Variants in MTHFSD observed in about 807,000 individuals in gnomAD.
The protein encoded by MTHFSD is methenyltetrahydrofolate synthase domain-containing protein.
MTHFSD carries 37 observed loss-of-function variants against 31.1 expected under a neutral mutation model. The observed-to-expected ratio is 1.19, with a 90% CI of 0.91 to 1.56. MTHFSD has a LOEUF of 1.56. MTHFSD is among the 40% of genes most tolerant of loss of function. The pLI, the probability that MTHFSD is intolerant of heterozygous loss-of-function variation, is 0.00. For synonymous variants in MTHFSD, 221 were observed against 206.9 expected (o/e 1.07, Z -0.59); for missense variants, 664 against 510.1 (o/e 1.30, Z -2.91).
intron 2 of MTHFSD, among the ~76,000 whole-genome samples, chr16:86,552,607 C>G (rs1241545005): frequency 6.6e-6 from 1 of 152,232 alleles, no homozygotes. Context: ...GAAGCCCCCA[C>G]CTCTCTCCTG....
rs1273646238 is a variant in MTHFSD at position 86,535,002 on chromosome 16, G to A, written c.682-2521C>T. On this transcript the variant is annotated intron_variant, in intron 7 of 7. Coordinates refer to ENST00000360900, the MANE Select transcript of MTHFSD (RefSeq NM_001159377.2). ...ATGGCAGAAGCGAGCATTCTCAGGC[G>A]AGGCTTCACACTTGGGGTTCTGCGG... Among the ~76,000 whole-genome samples the A allele has an allele frequency of 5.3e-5, 8 of 152,328 alleles. No homozygotes were observed. In the East Asian group the frequency reaches 5.8e-4, roughly 11 times the overall value.
intron 7 of MTHFSD, 119 bp downstream of exon 7, chr16:86,541,578 G>A (rs1971519701): frequency 2.8e-6 from 4 of 1,404,288 alleles, no homozygotes; most frequent in Non-Finnish European, 3.9e-6. Flanking sequence ...AAGCTCCTTG[G>A]GTGATTCTAA....
chr16:86,535,217 A>T, intron 7 of MTHFSD: 1 of 985,340 alleles, frequency 1.0e-6, no homozygotes, highest in African/African-American at 1.7e-5. Flanking sequence ...GGGCCGTTAG[A>T]ATGGAAATGT....
At chr16:86,544,154 A>G (rs1190704410) in intron 5 of MTHFSD, among the ~76,000 whole-genome samples, 1 of 152,214 alleles carries the variant, frequency 6.6e-6, no homozygotes, top group Non-Finnish European at 1.5e-5. Flanking sequence ...TGCTTAAATT[A>G]TCCTGAAACC....
In MTHFSD at chr16:86,539,567, A is replaced by C. The variant is rs190099073; in HGVS notation, c.681+2130T>G. Among the ~76,000 whole-genome samples the C allele has an allele frequency of 2.0e-5, 3 of 152,324 alleles. No individual in the cohort carries two copies. In the East Asian group the frequency reaches 5.8e-4, roughly 29 times the overall value. ...AGAGCTATGAAGTGGGAAACTCTTG[A>C]CTGCTAAACTCAGCAATACACTCAC... On this transcript the variant is annotated intron_variant, in intron 7 of 7. Coordinates refer to ENST00000360900, the MANE Select transcript of MTHFSD (RefSeq NM_001159377.2).
At chr16:86,538,147 GCA>G (rs1235543891) in intron 7 of MTHFSD, among the ~76,000 whole-genome samples, 3 of 152,208 alleles carry the variant, frequency 2.0e-5, no homozygotes, top group Non-Finnish European at 4.4e-5. Flanking sequence ...CTTGCCTTCG[GCA>G]CAGTTGAGGT....
intron 7 of MTHFSD, chr16:86,540,798 A>C (rs1428399035): frequency 9.9e-7 from 1 of 1,005,936 alleles, no homozygotes; most frequent in Non-Finnish European, 1.2e-6. Context: ...GGCCGCCCAT[A>C]CACTCTGGGT....
In MTHFSD at chr16:86,536,846, C is replaced by T. The variant is rs528594770; in HGVS notation, c.682-4365G>A. 7.9e-5 allele frequency among the ~76,000 whole-genome samples: 12 copies of T among 152,348 alleles called. No homozygotes were observed. In the East Asian group the frequency reaches 1.2e-3, roughly 15 times the overall value. On this transcript the variant is annotated intron_variant, in intron 7 of 7. Transcript: ENST00000360900. Reference sequence around the variant, plus strand: ...GGACCAGCAGCTCCTGTCTCACTTCCGCACTTGGGGTTTCAGCCCTCGGAG... The same window carrying T: ...GGACCAGCAGCTCCTGTCTCACTTCTGCACTTGGGGTTTCAGCCCTCGGAG...
intron 1 of MTHFSD, 160 bp from the exon 2 acceptor site, chr16:86,554,911 C>A (rs2143972274): frequency 9.3e-7 from 1 of 1,078,116 alleles, no homozygotes; most frequent in Non-Finnish European, 1.3e-6. Flanking sequence ...CCCACGGGCT[C>A]CCCCACGTGC....
At chr16:86,545,507 C>T (rs772379424) in intron 5 of MTHFSD, among the ~76,000 whole-genome samples, 6 of 152,108 alleles carry the variant, frequency 3.9e-5, no homozygotes, top group African/African-American at 4.8e-5. Context: ...CATCATCTGG[C>T]CTCAAGGCTG....
In MTHFSD at chr16:86,542,425, T is replaced by C. The variant is rs1386614671; in HGVS notation, c.443-212A>G. On this transcript the variant is annotated intron_variant, in intron 5 of 7. Transcript: ENST00000360900. This position sits in a 1 kb window ranked among gnomAD's most constrained non-coding sequence, Gnocchi z 4.6. ...TCAACAGGAATAACAACACGGCCAA[T>C]GTCAGGTGGTGAAACTACAATGACG... The C allele has an allele frequency of 1.8e-6, 1 of 563,726 alleles. No homozygotes were observed. The highest frequency in any genetic ancestry group is 3.0e-5 in the East Asian group (1 of 33,468). The allele number at this position is 563,726 out of a possible 1,614,324, so 34.9% of individuals were successfully genotyped here. A position where few individuals can be genotyped will look rare whatever the true frequency, so the allele number is the denominator to read the frequency against.
chr16:86,543,291 A>G (rs1971786388), intron 5 of MTHFSD, among the ~76,000 whole-genome samples: 1 of 152,192 alleles, frequency 6.6e-6, no homozygotes, highest in East Asian at 1.9e-4. Flanking sequence ...GAGGCCAGGC[A>G]CCACTGTTGA....
Position 86,532,462 on chromosome 16 carries a change from TC to T in MTHFSD, c.700del (p.Glu234ArgfsTer6). ...TWFKISLEMMEKIPILRSLRA... is the reference protein window; with the variant it reads ...TWFKISLEMMXKIPILRSLRA... Reference sequence around the variant, plus strand: ...GAGGCTCCTCAGTATGGGGATTTTCTCCATCATCTCCAGGCTGATCTGAAAA... The same window carrying T: ...GAGGCTCCTCAGTATGGGGATTTTCTCATCATCTCCAGGCTGATCTGAAAA... On this transcript the variant is annotated frameshift_variant, in exon 8 of 8. Coordinates refer to ENST00000360900, the MANE Select transcript of MTHFSD (RefSeq NM_001159377.2). LOFTEE classifies it low-confidence loss of function (END_TRUNC). 7.0e-7 allele frequency: 1 copy of T among 1,433,068 alleles called. No homozygotes were observed. Among genetic ancestry groups the T allele is most frequent in the Non-Finnish European group, 9.2e-7 (1 of 1,090,650 alleles). 88.8% of individuals were successfully genotyped at this position (1,433,068 alleles called of 1,614,324 possible). A position where few individuals can be genotyped will look rare whatever the true frequency, so the allele number is the denominator to read the frequency against.
rs182741669 is a variant in MTHFSD, at chr16:86,547,947, C to A, written c.351+517G>T. On this transcript the variant is annotated intron_variant, in intron 4 of 7. Coordinates refer to ENST00000360900, the MANE Select transcript of MTHFSD (RefSeq NM_001159377.2). ...ACATGACCAATTTTATTATAATGCA[C>A]CCTAAAGTCATATTTGTACACTTGG... 238 of 978,758 alleles carry A rather than the reference C, an allele frequency of 2.4e-4. 1 individual carries two copies. Among genetic ancestry groups the A allele is most frequent in the Non-Finnish European group, 5.5e-6 (4 of 723,602 alleles). The allele number at this position is 978,758 out of a possible 1,614,324, so 60.6% of individuals were successfully genotyped here. A position where few individuals can be genotyped will look rare whatever the true frequency, so the allele number is the denominator to read the frequency against.
Position 86,541,774 on chromosome 16 carries a change from CCA to C in MTHFSD, c.602_603del (p.Val201GlyfsTer57). On this transcript the variant is annotated frameshift_variant, in exon 7 of 8. Transcript: ENST00000360900. LOFTEE classifies it high-confidence loss of function. ...EELVEEHDIT[V>X]DYILTPTRVI... The stretch of plus-strand genomic sequence containing the variant: ...ACTCTGGTTGGAGTGAGGATGTAGT[CCA>C]CAGTGATGTCGTGCTCCTCAACAAG... The C allele has an allele frequency of 1.9e-6, 3 of 1,614,210 alleles. No individual in the cohort carries two copies. Among genetic ancestry groups the C allele is most frequent in the East Asian group, 2.2e-5 (1 of 44,878 alleles).
At chr16:86,544,366 G>T (rs1971967829) in intron 5 of MTHFSD, among the ~76,000 whole-genome samples, 1 of 152,026 alleles carries the variant, frequency 6.6e-6, no homozygotes, top group Admixed American at 6.6e-5. Context: ...GTAAGAAACT[G>T]AAACAAATTT....
intron 7 of MTHFSD, among the ~76,000 whole-genome samples, chr16:86,539,250 C>T (rs1262250324): frequency 6.6e-6 from 1 of 152,192 alleles, no homozygotes; most frequent in African/African-American, 2.4e-5. Flanking sequence ...TCCTTGTCCT[C>T]CACTGAGAGG....
intron 7 of MTHFSD, among the ~76,000 whole-genome samples, chr16:86,536,741 T>C (rs1426340021): frequency 6.6e-6 from 1 of 152,268 alleles, no homozygotes; most frequent in African/African-American, 2.4e-5. Context: ...TCTGCACGCC[T>C]TGGCTCCTGC....
rs773995827 is a variant in MTHFSD at position 86,532,176 on chromosome 16, G to A, written c.987C>T (p.Leu329=). 49 of 1,572,734 alleles carry A rather than the reference G, an allele frequency of 3.1e-5. No homozygotes were observed. The highest frequency in any genetic ancestry group is 9.6e-5 in the African/African-American group (7 of 73,270). The change falls in exon 8 of 8, where the codon CTC becomes CTT. Residue 329 remains leucine (L), a synonymous_variant. Coordinates refer to ENST00000360900, the MANE Select transcript of MTHFSD (RefSeq NM_001159377.2). ...VSDLKRALRE[L]GSVPLRLTWQ... The stretch of plus-strand genomic sequence containing the variant: ...AGGTGAGCCGCAGGGGCACGGAGCC[G>A]AGTTCCCGCAGGGCTCTCTTCAGGT...
Sources: allele counts gnomAD v4.1 joint callset (sites outside exome capture counted in the v4.1 genomes callset), GRCh38; gene constraint gnomAD v4.1.1; non-coding constraint Gnocchi (gnomAD v3.1); transcripts MANE v1.5; gene names NCBI Gene and HGNC (gene_info 2026-07-23, HGNC 2026-07-21).